Variants in ETV1 observed in about 807,000 individuals in gnomAD.
ETV1 encodes the protein ETS translocation variant 1.
ETV1 carries 27 observed loss-of-function variants against 62.3 expected under a neutral mutation model. The ratio of observed to expected loss-of-function variants is 0.43; its 90% confidence interval spans 0.32 to 0.60. The LOEUF (loss-of-function observed/expected upper bound fraction) is 0.60, where lower values mean the gene tolerates loss of function less well. ETV1 is among the 20% of genes least tolerant of loss of function. The pLI is 0.06. For missense variants in ETV1, 605 were observed against 605.8 expected, an observed-to-expected ratio of 1.00 and a Z score of 0.01; for synonymous variants, 222 against 199.6, an observed-to-expected ratio of 1.11 and a Z score of -0.94.
intron 12 of ETV1, among the ~76,000 whole-genome samples, chr7:13,901,216 G>T (rs1782386423): frequency 6.6e-6 from 1 of 152,090 alleles, no homozygotes; most frequent in African/African-American, 2.4e-5. Flanking sequence ...TGTTGGCCAG[G>T]CTGGTCTCGA....
At chr7:13,952,699 C>G (rs568268815) in intron 6 of ETV1, among the ~76,000 whole-genome samples, 27 of 152,102 alleles carry the variant, frequency 1.8e-4, no homozygotes, top group African/African-American at 4.6e-4. Context: ...AGGGACCTCC[C>G]ACATTTCAGT....
In ETV1 at chr7:13,930,904, G is replaced by C. The variant is rs867765747; in HGVS notation, c.802+598C>G. ...CAACCTCTGCCTCCCGGGTTCAAGCGATTCTCTTGCCTCAGCCTCCCGAGT... is the reference window on the plus strand; with the variant it reads ...CAACCTCTGCCTCCCGGGTTCAAGCCATTCTCTTGCCTCAGCCTCCCGAGT... On this transcript the variant is annotated intron_variant, in intron 9 of 13. Transcript: ENST00000430479. 4.0e-5 allele frequency among the ~76,000 whole-genome samples: 6 copies of C among 150,922 alleles called. 1 individual carries two copies. The highest frequency in any genetic ancestry group is 9.7e-5 in the African/African-American group (4 of 41,106).
intron 7 of ETV1, among the ~76,000 whole-genome samples, chr7:13,937,592 T>C (rs1397587326): frequency 6.6e-6 from 1 of 152,210 alleles, no homozygotes; most frequent in Admixed American, 6.5e-5. Context: ...TGATTAATGC[T>C]GAAAGGCAAT....
At chr7:13,920,453 T>TGC (rs1784721796) in intron 9 of ETV1, among the ~76,000 whole-genome samples, 1 of 151,826 alleles carries the variant, frequency 6.6e-6, no homozygotes. Flanking sequence ...TGTGTGTGTG[T>TGC]GTGTGTGTGT....
chr7:13,984,624 A>C (rs1782359831), intron 5 of ETV1, among the ~76,000 whole-genome samples: 1 of 152,136 alleles, frequency 6.6e-6, no homozygotes, highest in African/African-American at 2.4e-5. Context: ...TTATTCTAAA[A>C]TGAAATCTTA....
At chr7:13,909,573 C>G (rs576738744) in intron 11 of ETV1, 59 bp downstream of exon 11, 1 of 1,221,754 alleles carries the variant, frequency 8.2e-7, no homozygotes, top group Non-Finnish European at 1.2e-6. Context: ...TCAGAAGAAG[C>G]GAAGGTAATC....
intron 6 of ETV1, among the ~76,000 whole-genome samples, chr7:13,953,308 T>A (rs1432280146): frequency 2.6e-5 from 4 of 152,214 alleles, no homozygotes; most frequent in African/African-American, 4.8e-5. Flanking sequence ...ATAAATTACC[T>A]AATTATGACC....
At chr7:13,938,219 A>G (rs561911986) in intron 7 of ETV1, among the ~76,000 whole-genome samples, 2 of 152,346 alleles carry the variant, frequency 1.3e-5, no homozygotes, top group South Asian at 4.1e-4. Context: ...TGCTGGGATT[A>G]TAGGCATGAG....
chr7:13,983,895 C>G (rs1220088600), intron 5 of ETV1, among the ~76,000 whole-genome samples: 1 of 151,690 alleles, frequency 6.6e-6, no homozygotes, highest in African/African-American at 2.4e-5. Context: ...AACCCTCAAA[C>G]AGTCCTGCCT....
intron 9 of ETV1, among the ~76,000 whole-genome samples, chr7:13,917,872 G>T (rs1381623362): frequency 2.6e-5 from 4 of 151,820 alleles, no homozygotes; most frequent in African/African-American, 7.3e-5. Context: ...GCTGAGGCAG[G>T]AAAATGGCGT....
chr7:13,905,573 A>C (rs1475162954), intron 12 of ETV1, among the ~76,000 whole-genome samples: 1 of 152,210 alleles, frequency 6.6e-6, no homozygotes, highest in Non-Finnish European at 1.5e-5. Flanking sequence ...AGTAGCCTTA[A>C]GCCTAAAGCT....
At chr7:13,906,264 G>A (rs1342018284) in intron 12 of ETV1, 166 bp downstream of exon 12, 7 of 487,628 alleles carry the variant, frequency 1.4e-5, no homozygotes, top group Non-Finnish European at 2.1e-5. Context: ...ATACATTGGT[G>A]ATTTTAAAGG....
chr7:13,923,878 C>A (rs1289749169), intron 9 of ETV1, among the ~76,000 whole-genome samples: 1 of 151,724 alleles, frequency 6.6e-6, no homozygotes, highest in Non-Finnish European at 1.5e-5. Context: ...ACTAAAAATA[C>A]AAAATTAGCC....
intron 6 of ETV1, among the ~76,000 whole-genome samples, chr7:13,944,000 T>A (rs1379468253): frequency 6.6e-6 from 1 of 151,876 alleles, no homozygotes; most frequent in Non-Finnish European, 1.5e-5. Context: ...TCCAGATGGG[T>A]AGGAAATGGA....
chr7:13,895,353 T>G lies in ETV1; in HGVS notation c.*513A>C, dbSNP rs1781668486. 4.3e-6 allele frequency: 1 copy of G among 234,430 alleles called. No individual in the cohort carries two copies. Among genetic ancestry groups the G allele is most frequent in the South Asian group, 1.8e-4 (1 of 5,592 alleles). The allele number at this position is 234,430 out of a possible 1,614,324, so 14.5% of individuals were successfully genotyped here. A position where few individuals can be genotyped will look rare whatever the true frequency, so the allele number is the denominator to read the frequency against. On this transcript the variant is annotated 3_prime_UTR_variant, in exon 14 of 14. Coordinates refer to ENST00000430479, the MANE Select transcript of ETV1 (RefSeq NM_004956.5). ...TACAAGTGGTGCAAAAACAGTCATT[T>G]CTAACAATTAAACTGCCATTTACAG...
At chr7:13,931,300 C>G (rs576853474) in intron 9 of ETV1, among the ~76,000 whole-genome samples, 33 of 152,302 alleles carry the variant, frequency 2.2e-4, no homozygotes, top group Middle Eastern at 3.4e-3. Context: ...TTTCCAGACA[C>G]TATTTCAACC....
chr7:13,986,056 A>C, intron 5 of ETV1: 2 of 1,296,326 alleles, frequency 1.5e-6, no homozygotes, highest in Non-Finnish European at 2.2e-6. Context: ...AACATTTTTA[A>C]AATCCTCATA....
intron 6 of ETV1, 138 bp downstream of exon 6, chr7:13,977,289 A>G: frequency 5.4e-6 from 3 of 551,664 alleles, no homozygotes; most frequent in Non-Finnish European, 9.8e-6. Context: ...AAATCAAATC[A>G]TCTTATGGCT....
In ETV1 at chr7:13,935,709, T is replaced by C; in HGVS notation, c.553A>G (p.Arg185Gly). The C allele has an allele frequency of 6.2e-7, 1 of 1,613,138 alleles. No individual in the cohort carries two copies. Among genetic ancestry groups the C allele is most frequent in the Non-Finnish European group, 8.5e-7 (1 of 1,179,348 alleles). Residue 185 changes from arginine to glycine, a missense_variant and splice_region_variant, in exon 8 of 14, where the codon AGA (arginine) becomes GGA (glycine). This residue lies in a region of ETV1 where 426 missense variants were observed against 377.8 expected (regional missense o/e 1.13). Coordinates refer to ENST00000430479, the MANE Select transcript of ETV1 (RefSeq NM_004956.5). ...AGAAAACTGGTATCTGCAGGTTACC[T>C]GTGGTCCATGGGGTAGCTGCTATCT... ...IPDSSYPMDH[R>G]FRRQLSEPCN...
Sources: allele counts gnomAD v4.1 joint callset (sites outside exome capture counted in the v4.1 genomes callset), GRCh38; gene constraint gnomAD v4.1.1; regional missense constraint gnomAD v4.1.1; transcripts MANE v1.5; gene names NCBI Gene and HGNC (gene_info 2026-07-23, HGNC 2026-07-21).